The following SGCZ variants were observed in gnomAD, a reference collection of about 807,000 sequenced individuals.
SGCZ encodes zeta-sarcoglycan.
In SGCZ, 40 loss-of-function variants were observed where a neutral mutation model predicts 41.3. The observed-to-expected ratio is 0.97, with a 90% CI of 0.75 to 1.26. The LOEUF is 1.26. SGCZ is among the 50% of genes most tolerant of loss of function. The pLI is 0.00. For missense variants in SGCZ, 552 were observed against 369.8 expected (o/e 1.49, Z -4.04); for synonymous variants, 206 against 137.5 (o/e 1.50, Z -3.49).
intron 4 of SGCZ, among the ~76,000 whole-genome samples, chr8:14,190,342 T>C (rs1248307594): frequency 1.3e-5 from 2 of 151,872 alleles, no homozygotes; most frequent in Non-Finnish European, 2.9e-5. Context: ...GGCTGAATAA[T>C]ATCCCATTAT....
intron 1 of SGCZ, among the ~76,000 whole-genome samples, chr8:14,709,223 T>C (rs1329399638): frequency 6.6e-6 from 1 of 152,188 alleles, no homozygotes; most frequent in Non-Finnish European, 1.5e-5. Context: ...GTTCACCAAC[T>C]TGAACTCATC....
intron 5 of SGCZ, among the ~76,000 whole-genome samples, chr8:14,132,405 TTC>T (rs1320864070): frequency 1.3e-5 from 2 of 152,204 alleles, no homozygotes. Context: ...TGACAACTAC[TTC>T]TCTTTCCCAT....
intron 2 of SGCZ, among the ~76,000 whole-genome samples, chr8:14,358,147 C>T (rs1050644679): frequency 5.3e-5 from 8 of 152,148 alleles, no homozygotes; most frequent in African/African-American, 1.9e-4. Context: ...GTCTTTAATT[C>T]CATGTAATTG....
At chr8:14,979,072 T>A (rs1801580370) in intron 1 of SGCZ, among the ~76,000 whole-genome samples, 1 of 152,156 alleles carries the variant, frequency 6.6e-6, no homozygotes. Flanking sequence ...GTGCTAGGAT[T>A]ATAGGTGTGA....
chr8:14,323,992 A>G, intron 3 of SGCZ, 111 bp downstream of exon 3: 1 of 656,132 alleles, frequency 1.5e-6, no homozygotes, highest in African/African-American at 1.8e-5. Flanking sequence ...TGTTTAGCTT[A>G]AGGAAACTAA....
intron 1 of SGCZ, among the ~76,000 whole-genome samples, chr8:14,582,494 C>T (rs1804924124): frequency 6.6e-6 from 1 of 151,928 alleles, no homozygotes; most frequent in South Asian, 2.1e-4. Context: ...AAAGTTCCCA[C>T]ACTCTTTTCT....
chr8:14,293,625 T>C (rs1339496160), intron 3 of SGCZ, among the ~76,000 whole-genome samples: 1 of 151,922 alleles, frequency 6.6e-6, no homozygotes, highest in Non-Finnish European at 1.5e-5. Flanking sequence ...CTCCAATCTA[T>C]ATAAAATCTT....
chr8:14,202,836 A>G (rs1805498415), intron 4 of SGCZ, among the ~76,000 whole-genome samples: 2 of 152,156 alleles, frequency 1.3e-5, no homozygotes, highest in South Asian at 4.1e-4. Flanking sequence ...TGTAGATGAT[A>G]TGGATATGGT....
At chr8:14,790,610 A>G (rs1328195607) in intron 1 of SGCZ, among the ~76,000 whole-genome samples, 1 of 152,224 alleles carries the variant, frequency 6.6e-6, no homozygotes, top group Admixed American at 6.5e-5. Context: ...GGTAAGAAAC[A>G]AACATAATAT....
chr8:14,977,702 C>T lies in SGCZ; in HGVS notation c.39+259883G>A, dbSNP rs547689822. Among the ~76,000 whole-genome samples the T allele has an allele frequency of 4.6e-5, 7 of 152,154 alleles. No homozygotes were observed. The East Asian group carries it at 9.7e-4, about 21-fold the overall frequency. On this transcript the variant is annotated intron_variant, in intron 1 of 7. Transcript: ENST00000382080. Reference sequence around the variant, plus strand: ...AAAGCCCAAAGTTTTGAGAAAAGTTCAATCCCAAGACTCAAAACTCTCTCC... The same window carrying T: ...AAAGCCCAAAGTTTTGAGAAAAGTTTAATCCCAAGACTCAAAACTCTCTCC...
intron 1 of SGCZ, among the ~76,000 whole-genome samples, chr8:14,950,741 A>C (rs969595139): frequency 2.6e-5 from 4 of 152,082 alleles, no homozygotes; most frequent in Non-Finnish European, 1.5e-5. Flanking sequence ...AAAGCAATAC[A>C]TAAGAGTTGA....
intron 4 of SGCZ, among the ~76,000 whole-genome samples, chr8:14,188,804 T>TG (rs1177607293): frequency 7.6e-6 from 1 of 132,298 alleles, no homozygotes; most frequent in Non-Finnish European, 1.6e-5. Context: ...CTTGTTTTTT[T>TG]TTTGTTTGTT....
At chr8:14,782,059 T>C (rs1178019269) in intron 1 of SGCZ, among the ~76,000 whole-genome samples, 1 of 152,192 alleles carries the variant, frequency 6.6e-6, no homozygotes, top group Non-Finnish European at 1.5e-5. Flanking sequence ...GACAAACTTG[T>C]ACAATGTCCT....
intron 1 of SGCZ, among the ~76,000 whole-genome samples, chr8:14,868,748 C>T (rs970015393): frequency 1.3e-5 from 2 of 151,950 alleles, no homozygotes; most frequent in Admixed American, 6.6e-5. Flanking sequence ...AAAATTCTTC[C>T]GTGTTTCTAC....
chr8:14,865,043 A>G (rs192628752), intron 1 of SGCZ, among the ~76,000 whole-genome samples: 19 of 152,154 alleles, frequency 1.2e-4, no homozygotes, highest in Admixed American at 4.6e-4. Context: ...TTCTGGATTA[A>G]TCCTTGTCAG....
intron 1 of SGCZ, among the ~76,000 whole-genome samples, chr8:15,138,452 C>T (rs560893341): frequency 2.2e-4 from 33 of 152,040 alleles, no homozygotes; most frequent in African/African-American, 6.0e-4. Context: ...TATGGTTGGG[C>T]GGCACCCCCA....
chr8:15,237,842 T>C lies in SGCZ; in HGVS notation c.-219A>G. On this transcript the variant is annotated 5_prime_UTR_variant, in exon 1 of 8. Transcript: ENST00000382080. ...CACTTTATTTTACTTCCTCAAAGAT[T>C]TAGTGACAGGTGATCTCTACCGCGG... is the stretch of plus-strand genomic sequence containing the variant. 2 of 543,928 alleles carry C rather than the reference T, an allele frequency of 3.7e-6. No individual in the cohort carries two copies. The highest frequency in any genetic ancestry group is 5.1e-5 in the South Asian group (2 of 38,880). 33.7% of individuals were successfully genotyped at this position (543,928 alleles called of 1,614,324 possible). A position where few individuals can be genotyped will look rare whatever the true frequency, so the allele number is the denominator to read the frequency against.
intron 2 of SGCZ, among the ~76,000 whole-genome samples, chr8:14,448,891 TC>T (rs1800511453): frequency 6.6e-6 from 1 of 152,176 alleles, no homozygotes; most frequent in South Asian, 2.1e-4. Flanking sequence ...GATGAGAATA[TC>T]TCTTCCCTCT....
At chr8:14,498,228 T>G (rs1200680388) in intron 2 of SGCZ, among the ~76,000 whole-genome samples, 1 of 152,230 alleles carries the variant, frequency 6.6e-6, no homozygotes, top group East Asian at 1.9e-4. Flanking sequence ...CAGCCTTTGA[T>G]GGAATGAATC....
Sources: gnomAD v4.1 joint callset for allele counts (sites outside exome capture counted in the v4.1 genomes callset) on GRCh38, gnomAD v4.1.1 for gene constraint, MANE v1.5 for transcripts, NCBI Gene and HGNC (gene_info 2026-07-23, HGNC 2026-07-21) for gene names.